Variants in ZNF574 observed in about 807,000 individuals in gnomAD.
ZNF574 encodes zinc finger protein 574.
A neutral mutation model predicts 56.6 loss-of-function variants in ZNF574; 25 were observed. The observed-to-expected ratio is 0.44, with a 90% CI of 0.32 to 0.62. The LOEUF is 0.62. Ranked by LOEUF, ZNF574 falls within the 20% of genes least tolerant of loss-of-function variation. ZNF574 has a pLI of 0.04. For missense variants in ZNF574, 1,065 were observed against 1,218.9 expected (o/e 0.87, Z 1.88); for synonymous variants, 543 against 492.1 (o/e 1.10, Z -1.37).
intron 1 of ZNF574, chr19:42,069,039 A>T (rs749940144): frequency 2.0e-6 from 1 of 493,752 alleles, no homozygotes; most frequent in Non-Finnish European, 3.6e-6. Context: ...GCAGTGAGCT[A>T]TGTACCCAGA....
At chr19:42,072,423 A>G (rs1011213844), upstream of ZNF574, among the ~76,000 whole-genome samples, 1 of 151,276 alleles carries the variant, frequency 6.6e-6, no homozygotes, top group Non-Finnish European at 1.5e-5. Context: ...TTTTTAGTAG[A>G]GACGGGGTTT....
Position 42,078,671 on chromosome 19 carries a change from A to G in ZNF574, c.65A>G (p.Asn22Ser), listed in dbSNP as rs1391219080. ...CACCGCTATGTCTGCTCTGAGTGCA[A>G]CCAGCTGTATGGATCACTGGAAGAG... ...IEHRYVCSEC[N>S]QLYGSLEEVL... Residue 22 changes from asparagine (N) to serine (S), a missense_variant, in exon 2 of 2, where the codon AAC becomes AGC. By Grantham distance (46) the Asn-to-Ser change is conservative. Transcript: ENST00000359044. 71 of 1,613,888 alleles carry G rather than the reference A, an allele frequency of 4.4e-5. No individual in the cohort carries two copies. The Admixed American group carries it at 1.1e-3, about 25-fold the overall frequency.
In ZNF574 at chr19:42,080,116, T is replaced by A. The variant is rs2076487270; in HGVS notation, c.1510T>A (p.Phe504Ile). 1 of 1,613,960 alleles carries A rather than the reference T, an allele frequency of 6.2e-7. No homozygotes were observed. Among genetic ancestry groups the A allele is most frequent in the African/African-American group, 1.3e-5 (1 of 74,886 alleles). Reference sequence around the variant, plus strand: ...TAAATGCAGCATTTGTGGCAAGATGTTCAAGAAGAAGTCTCACGTGCGTAA... The same window carrying A: ...TAAATGCAGCATTTGTGGCAAGATGATCAAGAAGAAGTCTCACGTGCGTAA... Reference protein sequence around the residue: ...RHKCSICGKMFKKKSHVRNHL... With the variant: ...RHKCSICGKMIKKKSHVRNHL... The change falls in exon 2 of 2, where the codon TTC becomes ATC. Residue 504 changes from phenylalanine to isoleucine, a missense_variant. Transcript: ENST00000359044. The surrounding 1 kb of genome is among the most constrained non-coding windows in gnomAD (Gnocchi z 8.5).
chr19:42,071,651 T>C (rs1348013092), upstream of ZNF574, among the ~76,000 whole-genome samples: 2 of 152,158 alleles, frequency 1.3e-5, no homozygotes, highest in Non-Finnish European at 2.9e-5. Context: ...CAGTCAGGCC[T>C]AAAAGCCCAG....
chr19:42,081,187 G>A lies in ZNF574; in HGVS notation c.2581G>A (p.Ala861Thr), dbSNP rs757995351. ...AVRQQLAEAE[A>T]AVGLAVMETA... ...GCGGCAGCAGCTGGCAGAGGCGGAG[G>A]CTGCCGTTGGCCTGGCCGTCATGGA... Residue 861 changes from alanine (A) to threonine (T), a missense_variant, in exon 2 of 2, where the codon GCT (alanine) becomes ACT (threonine). Ala to Thr is a moderately conservative substitution (Grantham distance 58). Coordinates refer to ENST00000359044, the MANE Select transcript of ZNF574 (RefSeq NM_022752.6). 6.2e-7 allele frequency: 1 copy of A among 1,613,962 alleles called. No individual in the cohort carries two copies. Among genetic ancestry groups the A allele is most frequent in the South Asian group, 1.1e-5 (1 of 91,082 alleles).
chr19:42,072,912 A>G (rs2076434109), upstream of ZNF574, among the ~76,000 whole-genome samples: 1 of 152,238 alleles, frequency 6.6e-6, no homozygotes, highest in Non-Finnish European at 1.5e-5. Context: ...CAGCAGAAGC[A>G]AGAATCTGCC....
chr19:42,073,408 A>G (rs1359951221), upstream of ZNF574, among the ~76,000 whole-genome samples: 2 of 152,088 alleles, frequency 1.3e-5, no homozygotes, highest in Admixed American at 1.3e-4. Context: ...ACAACTGGCC[A>G]GACACAGTGG....
chr19:42,077,281 G>A (rs536931632), intron 1 of ZNF574, among the ~76,000 whole-genome samples: 6 of 152,222 alleles, frequency 3.9e-5, no homozygotes, highest in Non-Finnish European at 7.4e-5. Context: ...CCCTAAAGGG[G>A]GTTTGGGCAG....
At chr19:42,074,155 T>A (rs1360330131), upstream of ZNF574, among the ~76,000 whole-genome samples, 1 of 135,416 alleles carries the variant, frequency 7.4e-6, no homozygotes, top group Non-Finnish European at 1.6e-5. Context: ...AAAAAAAAAT[T>A]AAATTAAATT....
Position 42,079,156 on chromosome 19 carries a change from C to A in ZNF574, c.550C>A (p.Arg184=), listed in dbSNP as rs1447267578. Residue 184 remains arginine, a synonymous_variant, in exon 2 of 2, where the codon CGA becomes AGA. Transcript: ENST00000359044. This position sits in a 1 kb window ranked among gnomAD's most constrained non-coding sequence, Gnocchi z 4.3. The part of the protein sequence containing the change: ...QARVAVEHSY[R]KAEEGGEGAT... ...CCGAGTGGCTGTGGAGCACTCATAC[C>A]GAAAGGCAGAAGAGGGTGGGGAAGG... The A allele has an allele frequency of 6.2e-7, 1 of 1,613,968 alleles. No individual in the cohort carries two copies. Among genetic ancestry groups the A allele is most frequent in the South Asian group, 1.1e-5 (1 of 91,078 alleles).
chr19:42,074,061 A>G (rs181360398), upstream of ZNF574, among the ~76,000 whole-genome samples: 1 of 151,528 alleles, frequency 6.6e-6, no homozygotes, highest in Admixed American at 6.6e-5. Flanking sequence ...TGAACCCAGG[A>G]GGCGGAGGTT....
chr19:42,080,261 G>T lies in ZNF574; in HGVS notation c.1655G>T (p.Arg552Leu), dbSNP rs147085110. The stretch of plus-strand genomic sequence containing the variant: ...ACACACACAGGAGAGCGGCCCTACC[G>T]GTGTGGGGACTGTGGCAAGGCTTTC... ...RLTHTGERPY[R>L]CGDCGKAFTQ... is the part of the protein sequence containing the mutation. Residue 552 changes from arginine to leucine, a missense_variant, in exon 2 of 2, where the codon CGG becomes CTG. By Grantham distance (102) the Arg-to-Leu change is moderately radical (BLOSUM62 -2). Coordinates refer to ENST00000359044, the MANE Select transcript of ZNF574 (RefSeq NM_022752.6). This position sits in a 1 kb window ranked among gnomAD's most constrained non-coding sequence, Gnocchi z 8.5. 1 of 1,613,462 alleles carries T rather than the reference G, an allele frequency of 6.2e-7. No individual in the cohort carries two copies. The highest frequency in any genetic ancestry group is 8.5e-7 in the Non-Finnish European group (1 of 1,179,776).
chr19:42,081,368 C>T lies in ZNF574; in HGVS notation c.*71C>T, dbSNP rs752602072. 8.9e-6 allele frequency: 14 copies of T among 1,568,200 alleles called. No individual in the cohort carries two copies. The highest frequency in any genetic ancestry group is 1.2e-5 in the Non-Finnish European group (14 of 1,139,370). On this transcript the variant is annotated 3_prime_UTR_variant, in exon 2 of 2. Coordinates refer to ENST00000359044, the MANE Select transcript of ZNF574 (RefSeq NM_022752.6). ...GGCCCTCCAGCATCCCCTTAAGCATCTGTACATACTGTGTCCCTTCCTCTT... is the reference window on the plus strand; with the variant it reads ...GGCCCTCCAGCATCCCCTTAAGCATTTGTACATACTGTGTCCCTTCCTCTT...
intron 1 of ZNF574, among the ~76,000 whole-genome samples, chr19:42,077,025 A>G (rs530533800): frequency 6.6e-6 from 1 of 152,198 alleles, no homozygotes; most frequent in Admixed American, 6.5e-5. Context: ...ACAGGTAATT[A>G]GGCCAAGGTG....
chr19:42,080,271 CTG>C lies in ZNF574; in HGVS notation c.1668_1669del (p.Cys556TrpfsTer48). The C allele has an allele frequency of 6.2e-7, 1 of 1,614,064 alleles. No homozygotes were observed. Among genetic ancestry groups the C allele is most frequent in the Non-Finnish European group, 8.5e-7 (1 of 1,179,990 alleles). ...GAGAGCGGCCCTACCGGTGTGGGGA[CTG>C]TGGCAAGGCTTTCACGCAAAGCTCC... ...TGERPYRCGD[C>X]GKAFTQSSTL... is the part of the protein sequence containing the mutation. On this transcript the variant is annotated frameshift_variant, in exon 2 of 2. Coordinates refer to ENST00000359044, the MANE Select transcript of ZNF574 (RefSeq NM_022752.6). LOFTEE classifies it high-confidence loss of function. This position sits in a 1 kb window ranked among gnomAD's most constrained non-coding sequence, Gnocchi z 8.5.
At chr19:42,073,814 C>CAAAAAAAAA (rs577928373), upstream of ZNF574, among the ~76,000 whole-genome samples, 1 of 32,064 alleles carries the variant, frequency 3.1e-5, no homozygotes, top group Non-Finnish European at 5.6e-5. Flanking sequence ...TAGACTGTCT[C>CAAAAAAAAA]AAAAAAAAAA....
chr19:42,077,618 G>C (rs959264389), intron 1 of ZNF574, among the ~76,000 whole-genome samples: 12 of 152,108 alleles, frequency 7.9e-5, no homozygotes, highest in Non-Finnish European at 1.6e-4. Context: ...GGGGATCTGG[G>C]TATCTCAGAG....
exon 1 of ZNF574, chr19:42,068,576 CAG>C (rs2076374507): frequency 2.5e-6 from 1 of 406,006 alleles, no homozygotes; most frequent in Admixed American, 4.4e-5. Flanking sequence ...AGCTCAGAGG[CAG>C]AGAGAGGGAG....
In ZNF574 at chr19:42,081,246, C is replaced by T. The variant is rs1568946777; in HGVS notation, c.2640C>T (p.Ala880=). 3.1e-6 allele frequency: 5 copies of T among 1,614,028 alleles called. No homozygotes were observed. The highest frequency in any genetic ancestry group is 2.2e-5 in the East Asian group (1 of 44,852). The part of the protein sequence containing the change: ...TAVEALPLVE[A]IEIYPLAEAE... ...TGGAGGCGCTACCCCTGGTGGAAGC[C>T]ATTGAGATCTACCCTCTGGCCGAGG... Residue 880 remains alanine (A), a synonymous_variant, in exon 2 of 2, where the codon GCC becomes GCT. Coordinates refer to ENST00000359044, the MANE Select transcript of ZNF574 (RefSeq NM_022752.6).
Sources: allele counts gnomAD v4.1 joint callset (sites outside exome capture counted in the v4.1 genomes callset), GRCh38; gene constraint gnomAD v4.1.1; non-coding constraint Gnocchi (gnomAD v3.1); transcripts MANE v1.5; gene names NCBI Gene and HGNC (gene_info 2026-07-23, HGNC 2026-07-21).